The following SLC7A6 variants were observed in gnomAD, a reference collection of about 807,000 sequenced individuals.
The protein encoded by SLC7A6 is solute carrier family 7 member 6, also known as Y+L amino acid transporter 2.
In SLC7A6, 29 loss-of-function variants were observed where a neutral mutation model predicts 46.6. The observed-to-expected ratio is 0.62, with a 90% confidence interval of 0.46 to 0.85. The LOEUF is 0.85. SLC7A6 is among the 40% of genes least tolerant of loss of function. The pLI, the probability that SLC7A6 is intolerant of heterozygous loss-of-function variation, is 0.00. For synonymous variants in SLC7A6, 276 were observed against 257.3 expected, an observed-to-expected ratio of 1.07 and a Z score of -0.70; for missense variants, 527 against 647.6, an observed-to-expected ratio of 0.81 and a Z score of 2.02.
At chr16:68,280,417 C>A (rs561894202) in intron 3 of SLC7A6, among the ~76,000 whole-genome samples, 1 of 152,190 alleles carries the variant, frequency 6.6e-6, no homozygotes, top group South Asian at 2.1e-4. Context: ...GACTTGGGCC[C>A]CAGAGATAGA....
chr16:68,291,368 C>T, intron 6 of SLC7A6, 36 bp downstream of exon 6: 1 of 1,611,904 alleles, frequency 6.2e-7, no homozygotes, highest in Non-Finnish European at 8.5e-7. Context: ...TTCATCATCT[C>T]CTGATACTGA....
At chr16:68,283,972 G>A (rs941532397) in intron 3 of SLC7A6, among the ~76,000 whole-genome samples, 4 of 152,158 alleles carry the variant, frequency 2.6e-5, no homozygotes, top group Admixed American at 2.0e-4. Context: ...AGAATCAGGA[G>A]AACAGTCAAG....
Position 68,299,499 on chromosome 16 carries a change from G to A in SLC7A6, c.*2171G>A, listed in dbSNP as rs1294562251. 1 of 152,596 alleles carries A rather than the reference G, an allele frequency of 6.6e-6. No individual in the cohort carries two copies. Among genetic ancestry groups the A allele is most frequent in the Non-Finnish European group, 1.5e-5 (1 of 68,048 alleles). 9.5% of individuals were successfully genotyped at this position (152,596 alleles called of 1,614,324 possible). A position where few individuals can be genotyped will look rare whatever the true frequency, so the allele number is the denominator to read the frequency against. On this transcript the variant is annotated 3_prime_UTR_variant, in exon 11 of 11. Coordinates refer to ENST00000219343, the MANE Select transcript of SLC7A6 (RefSeq NM_003983.6). Reference sequence around the variant, plus strand: ...GCCAGAGGATCCCTACAGCACTCAAGCTTCATGGTGGAATTAATTTCTGCC... The same window carrying A: ...GCCAGAGGATCCCTACAGCACTCAAACTTCATGGTGGAATTAATTTCTGCC...
At chr16:68,296,336 C>A in intron 8 of SLC7A6, 28 bp from the exon 9 acceptor site, 3 of 1,613,018 alleles carry the variant, frequency 1.9e-6, no homozygotes, top group Non-Finnish European at 2.5e-6. Context: ...TGACGATGCT[C>A]ACCTGTCTCC....
chr16:68,296,632 C>A lies in SLC7A6; in HGVS notation c.1275C>A (p.Ser425Arg). 1 of 1,614,168 alleles carries A rather than the reference C, an allele frequency of 6.2e-7. No individual in the cohort carries two copies. The highest frequency in any genetic ancestry group is 8.5e-7 in the Non-Finnish European group (1 of 1,180,026). Residue 425 changes from serine to arginine, a missense_variant, in exon 10 of 11, where the codon AGC becomes AGA. Coordinates refer to ENST00000219343, the MANE Select transcript of SLC7A6 (RefSeq NM_003983.6). The stretch of plus-strand genomic sequence containing the variant: ...TCTCACCCCCTCTATTTCAGCTGAG[C>A]GTGTTTTTCCCCATCGTGTTCTGCA... ...EPKRPRPLKL[S>R]VFFPIVFCIC...
intron 7 of SLC7A6, 148 bp downstream of exon 7, chr16:68,291,809 T>A: frequency 1.9e-6 from 1 of 513,124 alleles, no homozygotes; most frequent in Non-Finnish European, 3.3e-6. Flanking sequence ...GTTTGGTATG[T>A]GGGCATGTAC....
chr16:68,290,267 T>C, intron 4 of SLC7A6, 129 bp from the exon 5 acceptor site: 1 of 998,986 alleles, frequency 1.0e-6, no homozygotes, highest in Non-Finnish European at 1.4e-6. Flanking sequence ...CATTCCTCCT[T>C]TTTTTCATCT....
intron 3 of SLC7A6, among the ~76,000 whole-genome samples, chr16:68,280,586 T>TA (rs36011969): frequency 1.9e-4 from 29 of 149,804 alleles, no homozygotes; most frequent in South Asian, 4.2e-4. Context: ...GTAGCTTCTT[T>TA]AAAAAAAAAA....
intron 2 of SLC7A6, among the ~76,000 whole-genome samples, chr16:68,273,629 A>G (rs2042659048): frequency 6.6e-6 from 1 of 152,136 alleles, no homozygotes; most frequent in Non-Finnish European, 1.5e-5. Context: ...CTGGGTTGGG[A>G]TGCCCCTGGA....
At chr16:68,275,302 A>G in intron 3 of SLC7A6, 53 bp downstream of exon 3, 2 of 1,561,762 alleles carry the variant, frequency 1.3e-6, no homozygotes, top group Non-Finnish European at 1.7e-6. Flanking sequence ...GTACTATAAT[A>G]ACGGTACTTT....
At chr16:68,291,762 G>GGTATGTGTGTGT in intron 7 of SLC7A6, 101 bp downstream of exon 7, 3 of 545,992 alleles carry the variant, frequency 5.5e-6, no homozygotes. Flanking sequence ...GGGCATATAG[G>GGTATGTGTGTGT]GTGTGTGTGT....
At position 68,297,186 on chromosome 16, in the gene SLC7A6, T is replaced by C. The variant is rs369471448; in HGVS notation, c.1454-48T>C. 74 of 1,571,330 alleles carry C rather than the reference T, an allele frequency of 4.7e-5. No homozygotes were observed. In the African/African-American group the frequency reaches 9.6e-4, roughly 20 times the overall value. ...TAGTCAGCCTTGTTCAGGTTAGGGC[T>C]GTAGCTAGATGTTTACTAAACCCTG... On this transcript the variant is annotated intron_variant, in intron 10 of 10. Transcript: ENST00000219343.
At chr16:68,279,430 A>G (rs892992051) in intron 3 of SLC7A6, among the ~76,000 whole-genome samples, 1 of 152,242 alleles carries the variant, frequency 6.6e-6, no homozygotes, top group African/African-American at 2.4e-5. Flanking sequence ...GCAGTATAGT[A>G]TAGTGGTTAG....
In SLC7A6 at chr16:68,296,436, T is replaced by G. The variant is rs2151234000; in HGVS notation, c.1192T>G (p.Trp398Gly). ...QLINYFSFSY[W>G]FFVGLSVVGQ... The stretch of plus-strand genomic sequence containing the variant: ...TATCAACTACTTCAGCTTCAGCTAC[T>G]GGTTCTTCGTGGGCCTGTCTGTTGT... The change falls in exon 9 of 11, where the codon TGG becomes GGG. Residue 398 changes from tryptophan (W) to glycine (G), a missense_variant. Coordinates refer to ENST00000219343, the MANE Select transcript of SLC7A6 (RefSeq NM_003983.6). The G allele has an allele frequency of 1.2e-6, 2 of 1,614,158 alleles. No homozygotes were observed. Among genetic ancestry groups the G allele is most frequent in the East Asian group, 4.5e-5 (2 of 44,878 alleles).
intron 3 of SLC7A6, chr16:68,287,379 A>G: frequency 1.5e-6 from 2 of 1,297,222 alleles, no homozygotes; most frequent in Non-Finnish European, 1.0e-6. Flanking sequence ...TCTTTTGGCC[A>G]TGAAGAGGTC....
At chr16:68,282,885 T>A (rs146708772) in intron 3 of SLC7A6, among the ~76,000 whole-genome samples, 6,459 of 152,346 alleles carry the variant, frequency 0.042, 162 homozygotes, top group Middle Eastern at 0.14. Flanking sequence ...CCCAAAGTGC[T>A]GGCATTACAG....
intron 3 of SLC7A6, among the ~76,000 whole-genome samples, chr16:68,280,868 G>A (rs999485732): frequency 2.0e-5 from 3 of 152,120 alleles, no homozygotes; most frequent in African/African-American, 7.2e-5. Flanking sequence ...CTGAGTGCTG[G>A]GACAACAGGT....
Position 68,301,807 on chromosome 16 carries a change from C to G in SLC7A6, c.*4479C>G, listed in dbSNP as rs896000083. ...CTCTGTTATCAGACACCAATAAATT[C>G]TTTTTGTTGGGCCTTCTTCTCTCTT... On this transcript the variant is annotated 3_prime_UTR_variant, in exon 11 of 11. Transcript: ENST00000219343. The G allele has an allele frequency of 2.5e-5, 4 of 160,316 alleles. No individual in the cohort carries two copies. The highest frequency in any genetic ancestry group is 9.6e-5 in the African/African-American group (4 of 41,652). The allele number at this position is 160,316 out of a possible 1,614,324, so 9.9% of individuals were successfully genotyped here.
At chr16:68,288,061 G>T (rs1736293031) in intron 4 of SLC7A6, among the ~76,000 whole-genome samples, 190 bp downstream of exon 4, 2 of 152,360 alleles carry the variant, frequency 1.3e-5, no homozygotes, top group South Asian at 4.1e-4. Context: ...GTGGACATGA[G>T]TCAGCCTGTC....
Sources: gnomAD v4.1 joint callset for allele counts (sites outside exome capture counted in the v4.1 genomes callset) on GRCh38, gnomAD v4.1.1 for gene constraint, MANE v1.5 for transcripts, NCBI Gene and HGNC (gene_info 2026-07-23, HGNC 2026-07-21) for gene names.